Variants in FNIP1 observed in about 807,000 individuals in gnomAD.
FNIP1 encodes the protein folliculin interacting protein 1.
A neutral mutation model predicts 124.5 loss-of-function variants in FNIP1; 40 were observed. That is an observed-to-expected ratio of 0.32 (90% confidence interval 0.25 to 0.42). The LOEUF is 0.42. Ranked by LOEUF, FNIP1 falls within the 10% of genes least tolerant of loss-of-function variation. FNIP1 has a pLI of 1.00. For missense variants in FNIP1, 1,176 were observed against 1,403.7 expected, an observed-to-expected ratio of 0.84 and a Z score of 2.59; for synonymous variants, 472 against 470.6, an observed-to-expected ratio of 1.00 and a Z score of -0.04.
At chr5:131,792,253 C>A (rs372161593) in intron 1 of FNIP1, among the ~76,000 whole-genome samples, 1 of 151,678 alleles carries the variant, frequency 6.6e-6, no homozygotes, top group Non-Finnish European at 1.5e-5. Context: ...CTCCGCCTCC[C>A]GGGTTCAAGC....
chr5:131,764,876 A>T (rs373591701), intron 1 of FNIP1, among the ~76,000 whole-genome samples: 1 of 152,054 alleles, frequency 6.6e-6, no homozygotes, highest in Admixed American at 6.5e-5. Flanking sequence ...ATGACACTAT[A>T]CTTGGTGAAA....
intron 10 of FNIP1, among the ~76,000 whole-genome samples, chr5:131,699,279 G>T (rs991190288): frequency 1.3e-5 from 2 of 151,996 alleles, no homozygotes; most frequent in East Asian, 3.9e-4. Context: ...GATGTTGACA[G>T]TTTCTGGGTT....
intron 5 of FNIP1, 38 bp downstream of exon 5, chr5:131,718,948 A>T (rs780516177): frequency 6.4e-7 from 1 of 1,553,110 alleles, no homozygotes; most frequent in East Asian, 2.2e-5. Flanking sequence ...TTGCACATCT[A>T]AAGTGATACA....
chr5:131,741,504 T>C (rs1031542435), intron 2 of FNIP1, among the ~76,000 whole-genome samples: 1 of 152,198 alleles, frequency 6.6e-6, no homozygotes, highest in African/African-American at 2.4e-5. Context: ...ATACTCTACA[T>C]ACACAATGTT....
chr5:131,744,094 G>A (rs1025204318), intron 2 of FNIP1, among the ~76,000 whole-genome samples: 1 of 151,560 alleles, frequency 6.6e-6, no homozygotes, highest in Non-Finnish European at 1.5e-5. Flanking sequence ...AAAGAGAAAA[G>A]CTGAACAAAC....
At chr5:131,700,557 T>C (rs1768865265) in intron 10 of FNIP1, among the ~76,000 whole-genome samples, 1 of 152,218 alleles carries the variant, frequency 6.6e-6, no homozygotes, top group African/African-American at 2.4e-5. Context: ...CTTTATGTTT[T>C]TTCAAACTGT....
chr5:131,704,130 A>C lies in FNIP1; in HGVS notation c.1051T>G (p.Phe351Val). Residue 351 changes from phenylalanine to valine, a missense_variant, in exon 10 of 18, where the codon TTC becomes GTC. By Grantham distance (50) the Phe-to-Val change is conservative. Coordinates refer to ENST00000510461, the MANE Select transcript of FNIP1 (RefSeq NM_133372.3). ...AAGAGAGGAAAATGTGAAAAAAAGA[A>C]TTCATTAAATTTGTTATTTTCATCT... The part of the protein sequence containing the change: ...DEDENNKFNE[F>V]FFSHFPLFES... 3 of 1,613,022 alleles carry C rather than the reference A, an allele frequency of 1.9e-6. No individual in the cohort carries two copies. Among genetic ancestry groups the C allele is most frequent in the Non-Finnish European group, 2.5e-6 (3 of 1,179,166 alleles).
intron 10 of FNIP1, among the ~76,000 whole-genome samples, chr5:131,701,429 G>T (rs954312808): frequency 1.8e-4 from 27 of 152,134 alleles, no homozygotes; most frequent in African/African-American, 6.5e-4. Context: ...AAAAATGTCA[G>T]TTCACCCACA....
At chr5:131,684,651 A>C (rs1332061855) in intron 11 of FNIP1, among the ~76,000 whole-genome samples, 1 of 152,224 alleles carries the variant, frequency 6.6e-6, no homozygotes, top group East Asian at 1.9e-4. Flanking sequence ...TTGACTCACA[A>C]GTATTTAATT....
chr5:131,650,208 T>C (rs1402099557), intron 16 of FNIP1, among the ~76,000 whole-genome samples: 1 of 152,158 alleles, frequency 6.6e-6, no homozygotes, highest in Non-Finnish European at 1.5e-5. Flanking sequence ...TAACTTTGAG[T>C]AGTAATGATA....
At chr5:131,782,810 G>C (rs1456257850) in intron 1 of FNIP1, among the ~76,000 whole-genome samples, 2 of 152,222 alleles carry the variant, frequency 1.3e-5, no homozygotes, top group Admixed American at 6.5e-5. Context: ...GGTGGAAATA[G>C]CAAGAGAATT....
chr5:131,689,705 G>A (rs1224768872), intron 11 of FNIP1, among the ~76,000 whole-genome samples: 1 of 152,062 alleles, frequency 6.6e-6, no homozygotes, highest in Non-Finnish European at 1.5e-5. Context: ...AAATGGAAGC[G>A]TTTAACTGCT....
At chr5:131,699,725 G>A (rs984723347) in intron 10 of FNIP1, among the ~76,000 whole-genome samples, 1 of 151,466 alleles carries the variant, frequency 6.6e-6, no homozygotes, top group Non-Finnish European at 1.5e-5. Flanking sequence ...TGCCCAGCCT[G>A]GCCAACATGG....
At chr5:131,647,261 C>A in intron 16 of FNIP1, 56 bp from the exon 17 acceptor site, 2 of 1,238,196 alleles carry the variant, frequency 1.6e-6, no homozygotes, top group South Asian at 2.4e-5. Context: ...AACTCTCAGT[C>A]ATGGCAAACT....
chr5:131,652,265 A>G (rs971835204), intron 15 of FNIP1, among the ~76,000 whole-genome samples: 55 of 152,378 alleles, frequency 3.6e-4, no homozygotes, highest in African/African-American at 9.6e-4. Context: ...CAGTCTTTTG[A>G]TCATTCATTA....
chr5:131,655,772 G>T (rs1283114867), intron 15 of FNIP1, among the ~76,000 whole-genome samples: 3 of 145,948 alleles, frequency 2.1e-5, no homozygotes, highest in Non-Finnish European at 3.0e-5. Context: ...AAAAAAATTA[G>T]TTAGGCATGG....
chr5:131,649,712 A>G (rs1259994090), intron 16 of FNIP1, among the ~76,000 whole-genome samples: 1 of 152,218 alleles, frequency 6.6e-6, no homozygotes, highest in African/African-American at 2.4e-5. Flanking sequence ...AAATTCAAGA[A>G]GTCACTGTCA....
chr5:131,779,134 C>A, intron 1 of FNIP1, among the ~76,000 whole-genome samples: 2 of 141,132 alleles, frequency 1.4e-5, no homozygotes, highest in Admixed American at 7.1e-5. Flanking sequence ...TACCCTAAAA[C>A]TTAAAGTATA....
At chr5:131,651,511 C>T (rs976039030) in intron 16 of FNIP1, among the ~76,000 whole-genome samples, 4 of 152,198 alleles carry the variant, frequency 2.6e-5, no homozygotes, top group Non-Finnish European at 2.9e-5. Context: ...TGGCAGACAG[C>T]TGTTTTCTCA....
Sources: gnomAD v4.1 joint callset for allele counts (sites outside exome capture counted in the v4.1 genomes callset) on GRCh38, gnomAD v4.1.1 for gene constraint, MANE v1.5 for transcripts, NCBI Gene and HGNC (gene_info 2026-07-23, HGNC 2026-07-21) for gene names.